The following PCDH19 variants were observed in gnomAD, a reference collection of about 807,000 sequenced individuals.
PCDH19 encodes protocadherin 19.
Under a neutral mutation model 46.2 loss-of-function variants are expected in PCDH19, and 6 were observed. The observed-to-expected ratio is 0.13, with a 90% CI of 0.07 to 0.26. PCDH19 has a LOEUF of 0.26. Ranked by LOEUF, PCDH19 falls within the 10% of genes least tolerant of loss-of-function variation. PCDH19 has a pLI of 1.00. For missense variants in PCDH19, 740 were observed against 972.3 expected (o/e 0.76, Z 3.18); for synonymous variants, 481 against 415.7 (o/e 1.16, Z -1.91).
Position 100,363,886 on chromosome X carries a change from T to TGTGTGA in PCDH19, c.2617-13183_2617-13182insTCACAC, listed in dbSNP as rs1207488480. 6.0e-3 allele frequency among the ~76,000 whole-genome samples: 586 copies of TGTGTGA among 98,024 alleles called. 9 individuals carry two copies. The highest frequency in any genetic ancestry group is 0.029 in the Admixed American group (249 of 8,687). The allele number at this position is 98,024 out of a possible 115,157, so 85.1% of individuals were successfully genotyped here. A position where few individuals can be genotyped will look rare whatever the true frequency, so the allele number is the denominator to read the frequency against. On this transcript the variant is annotated intron_variant, in intron 3 of 5. Transcript: ENST00000373034. ...GTGTGTGTGTGTGTGTGTGTGTGTG[T>TGTGTGA]GAGAGAGAGGGAGAGGGAGAGAGAA...
chrX:100,363,720 T>C (rs761777614), intron 3 of PCDH19, among the ~76,000 whole-genome samples: 4 of 72,746 alleles, frequency 5.5e-5, no homozygotes, highest in African/African-American at 1.9e-4. Flanking sequence ...TTATATATAA[T>C]ATATTTATTT....
At position 100,408,602 on chromosome X, in the gene PCDH19, G is replaced by A. The variant is rs1253413572; in HGVS notation, c.-5C>T. The A allele has an allele frequency of 5.2e-6, 6 of 1,150,052 alleles. No homozygotes were observed. Among genetic ancestry groups the A allele is most frequent in the Admixed American group, 2.5e-5 (1 of 39,380 alleles). 94.8% of individuals were successfully genotyped at this position (1,150,052 alleles called of 1,213,427 possible). A position where few individuals can be genotyped will look rare whatever the true frequency, so the allele number is the denominator to read the frequency against. ...CGGCAGCAGGAGCGACTCCATGGCT[G>A]CACGGGGCTCTGCCTGGCCTCGCCT... On this transcript the variant is annotated 5_prime_UTR_variant, in exon 1 of 6. Coordinates refer to ENST00000373034, the MANE Select transcript of PCDH19 (RefSeq NM_001184880.2).
chrX:100,379,411 A>T (rs1927485679), intron 3 of PCDH19, among the ~76,000 whole-genome samples: 1 of 110,448 alleles, frequency 9.1e-6, no homozygotes, highest in South Asian at 4.0e-4. Context: ...GCTTTTGCCC[A>T]CCTTTATAAA....
intron 5 of PCDH19, among the ~76,000 whole-genome samples, chrX:100,314,011 T>C (rs959631371): frequency 3.6e-5 from 4 of 111,600 alleles, no homozygotes; most frequent in African/African-American, 6.5e-5. Context: ...TCCTGGGGAA[T>C]CTTTGTCCCC....
At chrX:100,340,526 G>A (rs1239183041) in intron 5 of PCDH19, among the ~76,000 whole-genome samples, 1 of 111,804 alleles carries the variant, frequency 8.9e-6, no homozygotes, top group African/African-American at 3.3e-5. Flanking sequence ...GTATTAAATT[G>A]TCTCTGTTTC....
Position 100,403,456 on chromosome X carries a change from C to T in PCDH19, c.2288+68G>A, listed in dbSNP as rs769062083. 8.9e-6 allele frequency: 10 copies of T among 1,118,092 alleles called. No homozygotes were observed. In the African/African-American group the frequency reaches 1.1e-4, roughly 12 times the overall value. 92.1% of individuals were successfully genotyped at this position (1,118,092 alleles called of 1,213,427 possible). On this transcript the variant is annotated intron_variant, in intron 2 of 5. Coordinates refer to ENST00000373034, the MANE Select transcript of PCDH19 (RefSeq NM_001184880.2). ...GCCCGGTTCCCTTTTACTCACCCCC[C>T]GACCCCCTCCTCTCCTAGAAAAATC...
chrX:100,309,232 G>A (rs1925054718), intron 5 of PCDH19, among the ~76,000 whole-genome samples: 1 of 109,487 alleles, frequency 9.1e-6, no homozygotes, highest in Non-Finnish European at 1.9e-5. Context: ...GGCATATGCA[G>A]CAACCTGGAT....
At chrX:100,341,817 C>CA in intron 5 of PCDH19, 86 bp downstream of exon 5, 2 of 850,638 alleles carry the variant, frequency 2.4e-6, no homozygotes, top group South Asian at 4.2e-5. Flanking sequence ...ATAATACACT[C>CA]ATTAAGCAAA....
intron 5 of PCDH19, among the ~76,000 whole-genome samples, chrX:100,338,694 AC>A (rs1373679175): frequency 3.6e-5 from 4 of 110,949 alleles, no homozygotes; most frequent in African/African-American, 1.3e-4. Context: ...GTCACAAAGC[AC>A]CCTTGTCATT....
intron 5 of PCDH19, among the ~76,000 whole-genome samples, chrX:100,297,496 TA>T (rs1218279223): frequency 8.9e-6 from 1 of 111,880 alleles, no homozygotes; most frequent in East Asian, 2.8e-4. Context: ...TCAGAAGGAA[TA>T]AACTGAGAGC....
At chrX:100,396,778 T>C (rs1303801092) in intron 3 of PCDH19, among the ~76,000 whole-genome samples, 1 of 111,869 alleles carries the variant, frequency 8.9e-6, no homozygotes, top group Non-Finnish European at 1.9e-5. Flanking sequence ...AGGTGAAACA[T>C]GCCAATAAGA....
At position 100,292,927 on chromosome X, in the gene PCDH19, ACTG is replaced by A. The variant is rs1315693935; in HGVS notation, c.*3347_*3349del. The stretch of plus-strand genomic sequence containing the variant: ...AAAGTGGATTGGAATTCCAGCCAGA[ACTG>A]CTATTATGTACAATAATAATCCTTT... On this transcript the variant is annotated 3_prime_UTR_variant, in exon 6 of 6. Coordinates refer to ENST00000373034, the MANE Select transcript of PCDH19 (RefSeq NM_001184880.2). 2 of 111,715 alleles carry A rather than the reference ACTG, an allele frequency of 1.8e-5. No homozygotes were observed. The highest frequency in any genetic ancestry group is 6.5e-5 in the African/African-American group (2 of 30,711). 9.2% of individuals were successfully genotyped at this position (111,715 alleles called of 1,213,427 possible).
chrX:100,303,256 C>T (rs747016372), intron 5 of PCDH19, among the ~76,000 whole-genome samples: 6 of 101,682 alleles, frequency 5.9e-5, no homozygotes, highest in East Asian at 3.1e-4. Flanking sequence ...AAAGCAGCAA[C>T]GGGATCAATG....
intron 5 of PCDH19, among the ~76,000 whole-genome samples, chrX:100,321,084 T>A (rs929560131): frequency 7.2e-5 from 8 of 111,773 alleles, no homozygotes; most frequent in African/African-American, 2.6e-4. Context: ...TAGTCTCTAA[T>A]CTCATCCAGG....
chrX:100,339,049 C>T (rs930637884), intron 5 of PCDH19, among the ~76,000 whole-genome samples: 1 of 111,946 alleles, frequency 8.9e-6, no homozygotes, highest in Admixed American at 9.4e-5. Flanking sequence ...AGCCAAACTC[C>T]CCAAAACAAA....
rs772172662 is a variant in PCDH19, at chrX:100,402,834, T to C, written c.2306A>G (p.Tyr769Cys). Residue 769 changes from tyrosine (Y) to cysteine (C), a missense_variant, in exon 3 of 6, where the codon TAT becomes TGT. Around this residue, in one of 5 missense-constraint regions of PCDH19, gnomAD observed 416 missense variants for 476.8 expected, o/e 0.87. Transcript: ENST00000373034. ...LRGKRIAEYS[Y>C]GHQKKSSKKK... ...CTTGCTTGATTTCTTTTGATGCCCATAGGAGTACTCAGCAATTCTATGTGA... is the reference window on the plus strand; with the variant it reads ...CTTGCTTGATTTCTTTTGATGCCCACAGGAGTACTCAGCAATTCTATGTGA... 8.3e-7 allele frequency: 1 copy of C among 1,207,588 alleles called. No individual in the cohort carries two copies. Among genetic ancestry groups the C allele is most frequent in the South Asian group, 1.8e-5 (1 of 56,889 alleles).
intron 3 of PCDH19, among the ~76,000 whole-genome samples, chrX:100,374,735 C>T (rs1226203199): frequency 9.0e-6 from 1 of 111,098 alleles, no homozygotes; most frequent in Admixed American, 9.6e-5. Context: ...GTCAGGAGAT[C>T]GAGACCATCC....
Position 100,326,143 on chromosome X carries a change from G to T in PCDH19, c.2848+15760C>A, listed in dbSNP as rs1156281797. On this transcript the variant is annotated intron_variant, in intron 5 of 5. Coordinates refer to ENST00000373034, the MANE Select transcript of PCDH19 (RefSeq NM_001184880.2). ...CTCCCTCCTGGGAGTTATAGAGAGA[G>T]AATTTTATAAAGGGCTTTGGTTGAG... 2.7e-5 allele frequency among the ~76,000 whole-genome samples: 3 copies of T among 112,233 alleles called. No homozygotes were observed. In the East Asian group the frequency reaches 8.4e-4, roughly 31 times the overall value.
rs780410771 is a variant in PCDH19 at position 100,408,082 on chromosome X, C to G, written c.516G>C (p.Glu172Asp). ...GVQTYELTPNELFGLEIKTRG... is the reference protein window; with the variant it reads ...GVQTYELTPNDLFGLEIKTRG... ...GCGTCTTGATCTCCAGGCCGAACAG[C>G]TCGTTGGGCGTGAGCTCGTAAGTCT... The change falls in exon 1 of 6, where the codon GAG (glutamate) becomes GAC (aspartate). Residue 172 changes from glutamate (E) to aspartate (D), a missense_variant. Around this residue, in one of 5 missense-constraint regions of PCDH19, gnomAD observed 48 missense variants for 43.2 expected, o/e 1.11. Transcript: ENST00000373034. 3 of 1,210,215 alleles carry G rather than the reference C, an allele frequency of 2.5e-6. No homozygotes were observed. The East Asian group carries it at 8.9e-5, about 36-fold the overall frequency.
Sources: allele counts gnomAD v4.1 joint callset (sites outside exome capture counted in the v4.1 genomes callset), GRCh38; gene constraint gnomAD v4.1.1; regional missense constraint gnomAD v4.1.1; transcripts MANE v1.5; gene names NCBI Gene and HGNC (gene_info 2026-07-23, HGNC 2026-07-21).